Variants in CCDC171 observed in about 807,000 individuals in gnomAD.
CCDC171 encodes the protein coiled-coil domain-containing protein 171.
A neutral mutation model predicts 168.2 loss-of-function variants in CCDC171; 177 were observed. That is an observed-to-expected ratio of 1.05 (90% CI 0.93 to 1.19). The LOEUF (loss-of-function observed/expected upper bound fraction) is 1.19. Ranked by LOEUF, CCDC171 falls within the 50% of genes most tolerant of loss-of-function variation. The probability of loss-of-function intolerance (pLI) is 0.00; values close to 1 mark genes in which losing one functional copy is unlikely to be tolerated. For synonymous variants in CCDC171, 687 were observed against 540.8 expected (o/e 1.27, Z -3.75); for missense variants, 1,991 against 1,539.0 (o/e 1.29, Z -4.91).
downstream of CCDC171, among the ~76,000 whole-genome samples, chr9:16,062,731 TGA>T (rs1050292265): frequency 2.6e-5 from 4 of 152,080 alleles, no homozygotes; most frequent in African/African-American, 9.7e-5. Flanking sequence ...AGTGTGTTGG[TGA>T]GAGAGTGACA....
At chr9:15,639,450 G>A (rs10962103) in intron 7 of CCDC171, among the ~76,000 whole-genome samples, 2 of 151,782 alleles carry the variant, frequency 1.3e-5, no homozygotes, top group Non-Finnish European at 2.9e-5. Flanking sequence ...CAGAATTTGC[G>A]ACCACAAATT....
chr9:15,920,030 A>G (rs1354853189), intron 24 of CCDC171, among the ~76,000 whole-genome samples: 1 of 151,724 alleles, frequency 6.6e-6, no homozygotes, highest in Non-Finnish European at 1.5e-5. Context: ...AGCACAATAG[A>G]TCAAAGTACA....
intron 21 of CCDC171, among the ~76,000 whole-genome samples, chr9:15,799,753 G>T (rs142032975): frequency 1.3e-5 from 2 of 151,486 alleles, no homozygotes; most frequent in African/African-American, 4.8e-5. Context: ...TAACCATCCC[G>T]ACCTTCCCAC....
Position 15,793,352 on chromosome 9 carries a change from T to G in CCDC171, c.3267+8658T>G, listed in dbSNP as rs553666077. ...GTCCTTAGAGACCTACAAAGAGACTTAGACTCCCACACAATAATAATGGGA... is the reference window on the plus strand; with the variant it reads ...GTCCTTAGAGACCTACAAAGAGACTGAGACTCCCACACAATAATAATGGGA... On this transcript the variant is annotated intron_variant, in intron 21 of 25. Coordinates refer to ENST00000380701, the MANE Select transcript of CCDC171 (RefSeq NM_173550.4). Among the ~76,000 whole-genome samples the G allele has an allele frequency of 8.0e-4, 121 of 152,022 alleles. 1 individual carries two copies. Among genetic ancestry groups the G allele is most frequent in the South Asian group, 1.7e-3 (8 of 4,804 alleles).
At chr9:15,788,028 C>G (rs991302056) in intron 21 of CCDC171, among the ~76,000 whole-genome samples, 1 of 152,112 alleles carries the variant, frequency 6.6e-6, no homozygotes, top group Non-Finnish European at 1.5e-5. Context: ...AGATAAAGAG[C>G]TGTTCATGTT....
At chr9:15,754,132 A>G (rs565878355) in intron 18 of CCDC171, among the ~76,000 whole-genome samples, 30 of 152,356 alleles carry the variant, frequency 2.0e-4, no homozygotes, top group African/African-American at 5.5e-4. Flanking sequence ...GAATAATGAC[A>G]GTAATAAATA....
chr9:15,590,771 C>CTCTTTCTTTCTTTCTCTTTCTT (rs1554693023), intron 4 of CCDC171, among the ~76,000 whole-genome samples: 174 of 122,604 alleles, frequency 1.4e-3, no homozygotes, highest in East Asian at 4.7e-3. Context: ...TTCTTTCTTT[C>CTCTTTCTTTCTTTCTCTTTCTT]TCTTTCTTTC....
chr9:15,573,641 T>TC (rs35406570), intron 3 of CCDC171, among the ~76,000 whole-genome samples: 76,486 of 152,058 alleles, frequency 0.5, 19,824 homozygotes, highest in East Asian at 0.85. Flanking sequence ...ATTGTAATAA[T>TC]CATATAAAGT....
chr9:15,749,874 A>G (rs1021293783), intron 18 of CCDC171, among the ~76,000 whole-genome samples: 1 of 152,224 alleles, frequency 6.6e-6, no homozygotes, highest in African/African-American at 2.4e-5. Context: ...AAAGCAGGAA[A>G]GATCAAAATC....
intron 24 of CCDC171, among the ~76,000 whole-genome samples, chr9:15,917,520 A>T (rs946730888): frequency 4.0e-5 from 6 of 151,750 alleles, no homozygotes; most frequent in African/African-American, 1.4e-4. Context: ...TTATATTAAT[A>T]TTTCGCTGAA....
At chr9:15,771,007 T>A (rs4741540) in intron 18 of CCDC171, among the ~76,000 whole-genome samples, 1 of 152,152 alleles carries the variant, frequency 6.6e-6, no homozygotes, top group Non-Finnish European at 1.5e-5. Context: ...TAATGAATAT[T>A]TTTTAATATC....
intron 21 of CCDC171, among the ~76,000 whole-genome samples, chr9:15,811,009 A>G (rs2059331359): frequency 6.6e-6 from 1 of 152,384 alleles, no homozygotes; most frequent in Non-Finnish European, 1.5e-5. Context: ...AGTAACTGTC[A>G]TATCAGCAGC....
intron 23 of CCDC171, among the ~76,000 whole-genome samples, chr9:15,859,304 A>AT (rs1204342141): frequency 6.6e-6 from 1 of 151,462 alleles, no homozygotes; most frequent in African/African-American, 2.4e-5. Context: ...TTTGTTGAGG[A>AT]TTTTTAGATC....
At chr9:16,059,672 G>GC (rs1833901920) in intron 1 of CCDC171, among the ~76,000 whole-genome samples, 1 of 150,052 alleles carries the variant, frequency 6.7e-6, no homozygotes, top group South Asian at 2.1e-4. Flanking sequence ...CCGCCACCGC[G>GC]CCCGGCTAAT....
chr9:15,879,675 G>A (rs1049499399), intron 24 of CCDC171, among the ~76,000 whole-genome samples: 2 of 152,020 alleles, frequency 1.3e-5, no homozygotes, highest in African/African-American at 2.4e-5. Flanking sequence ...TGCCTGAGTT[G>A]TGCTCTGCTA....
intron 25 of CCDC171, among the ~76,000 whole-genome samples, chr9:15,942,745 T>G (rs1289586531): frequency 6.6e-6 from 1 of 151,948 alleles, no homozygotes; most frequent in Non-Finnish European, 1.5e-5. Context: ...ATTGTCCTTA[T>G]GTGTTGACAT....
chr9:15,730,043 ATGCATTGGTCAG>A (rs1219490363), intron 16 of CCDC171, among the ~76,000 whole-genome samples: 1 of 152,012 alleles, frequency 6.6e-6, no homozygotes, highest in African/African-American at 2.4e-5. Context: ...ATATCCCAAA[ATGCATTGGTCAG>A]TTAATTAAAT....
intron 15 of CCDC171, among the ~76,000 whole-genome samples, chr9:15,728,982 G>C (rs1193860734): frequency 6.6e-6 from 1 of 152,126 alleles, no homozygotes; most frequent in Non-Finnish European, 1.5e-5. Context: ...GTAGGGCTAG[G>C]AAATGAGGGA....
At chr9:15,556,896 C>T (rs545203483) in intron 1 of CCDC171, among the ~76,000 whole-genome samples, 3 of 152,102 alleles carry the variant, frequency 2.0e-5, no homozygotes, top group African/African-American at 4.8e-5. Flanking sequence ...AGTCGTTAAT[C>T]CATCTTGACT....
Sources: allele counts gnomAD v4.1 joint callset (sites outside exome capture counted in the v4.1 genomes callset), GRCh38; gene constraint gnomAD v4.1.1; transcripts MANE v1.5; gene names NCBI Gene and HGNC (gene_info 2026-07-23, HGNC 2026-07-21).